Variants in KCNH1 observed in about 807,000 individuals in gnomAD.
KCNH1 encodes potassium voltage-gated channel subfamily H member 1.
Under a neutral mutation model 69.2 loss-of-function variants are expected in KCNH1, and 27 were observed. That is an observed-to-expected ratio of 0.39 (90% CI 0.29 to 0.54). The LOEUF is 0.54. Ranked by LOEUF, KCNH1 falls within the 20% of genes least tolerant of loss-of-function variation. The pLI, the probability that KCNH1 is intolerant of heterozygous loss-of-function variation, is 0.68. For synonymous variants in KCNH1, 456 were observed against 487.7 expected (o/e 0.93, Z 0.86); for missense variants, 798 against 1,261.6 (o/e 0.63, Z 5.57).
In KCNH1 at chr1:211,019,143, G is replaced by A. The variant is rs374123504; in HGVS notation, c.672C>T (p.Ile224=). 6.2e-7 allele frequency: 1 copy of A among 1,614,004 alleles called. No homozygotes were observed. ...TGGCTGTATAGAAGGTCAAGATCAA[G>A]ATGATCCAATCCCACGTGGTCTTAA... ...CVFKTTWDWI[I]LILTFYTAIL... is the part of the protein sequence containing the mutation. Residue 224 remains isoleucine (I), a synonymous_variant, in exon 6 of 11, where the codon ATC becomes ATT. Coordinates refer to ENST00000271751, the MANE Select transcript of KCNH1 (RefSeq NM_172362.3).
intron 4 of KCNH1, among the ~76,000 whole-genome samples, chr1:211,083,762 G>C (rs953130081): frequency 2.6e-5 from 4 of 152,172 alleles, no homozygotes; most frequent in Non-Finnish European, 5.9e-5. Flanking sequence ...AGCAGGACTA[G>C]ATGATTTTAT....
intron 2 of KCNH1, among the ~76,000 whole-genome samples, chr1:211,104,232 T>G (rs781008974): frequency 2.6e-5 from 4 of 152,194 alleles, no homozygotes; most frequent in Non-Finnish European, 5.9e-5. Context: ...ATCTTCATCT[T>G]GAAAGCAATG....
intron 10 of KCNH1, among the ~76,000 whole-genome samples, chr1:210,740,206 AT>A (rs1253840329): frequency 1.3e-5 from 2 of 152,198 alleles, no homozygotes; most frequent in Non-Finnish European, 2.9e-5. Context: ...CTACACATTT[AT>A]TTCCATCAAT....
chr1:210,951,099 A>G (rs1317369619), intron 6 of KCNH1, among the ~76,000 whole-genome samples: 2 of 152,236 alleles, frequency 1.3e-5, no homozygotes, highest in Non-Finnish European at 2.9e-5. Context: ...ACACAGACTC[A>G]GCCTAAATGT....
intron 7 of KCNH1, among the ~76,000 whole-genome samples, chr1:210,894,481 A>C (rs1023138060): frequency 6.6e-6 from 1 of 152,098 alleles, no homozygotes; most frequent in African/African-American, 2.4e-5. Context: ...TTCTTCATTC[A>C]CAAGGGTTGA....
chr1:210,847,465 C>G (rs1386594203), intron 7 of KCNH1, among the ~76,000 whole-genome samples: 3 of 151,576 alleles, frequency 2.0e-5, no homozygotes, highest in Non-Finnish European at 4.4e-5. Context: ...TCATTCTCAG[C>G]AAACTATCAC....
chr1:210,742,219 G>A (rs547092558), intron 10 of KCNH1, among the ~76,000 whole-genome samples: 12 of 152,204 alleles, frequency 7.9e-5, no homozygotes, highest in African/African-American at 1.4e-4. Context: ...TTATTTCTGG[G>A]AATTTGGCCT....
intron 10 of KCNH1, among the ~76,000 whole-genome samples, chr1:210,684,467 G>A (rs1299535272): frequency 6.6e-6 from 1 of 152,180 alleles, no homozygotes; most frequent in Non-Finnish European, 1.5e-5. Context: ...GACTGTCCTA[G>A]CCTCTGTGCC....
intron 6 of KCNH1, among the ~76,000 whole-genome samples, chr1:211,010,252 G>A (rs1689369509): frequency 6.6e-6 from 1 of 152,116 alleles, no homozygotes; most frequent in African/African-American, 2.4e-5. Flanking sequence ...GTGCACTAGT[G>A]GAGGTGACAG....
chr1:210,806,824 A>ATATATATATATATATATATAT lies in KCNH1; in HGVS notation c.1463-2659_1463-2658insATATATATATATATATATATA, dbSNP rs1387980426. On this transcript the variant is annotated intron_variant, in intron 7 of 10. Transcript: ENST00000271751. Reference sequence around the variant, plus strand: ...ATCTCTACCAAAAAAAAAAAAAAAAAAAAAAAAAAAAAATATATATATATA... The same window carrying ATATATATATATATATATATAT: ...ATCTCTACCAAAAAAAAAAAAAAAAATATATATATATATATATATATAAAAAAAAAAAAATATATATATATA... Among the ~76,000 whole-genome samples the ATATATATATATATATATATAT allele has an allele frequency of 7.6e-4, 34 of 44,920 alleles. 1 individual carries two copies. Among genetic ancestry groups the ATATATATATATATATATATAT allele is most frequent in the South Asian group, 5.4e-3 (4 of 744 alleles). The allele number at this position is 44,920 out of a possible 152,430, so 29.5% of individuals were successfully genotyped here.
At position 210,840,778 on chromosome 1, in the gene KCNH1, C is replaced by T. The variant is rs1685389636; in HGVS notation, c.1463-36612G>A. On this transcript the variant is annotated intron_variant, in intron 7 of 10. Transcript: ENST00000271751. ...TCATTTCAGACTCAAAAAAGCCCCTCAAGTCACCCAAGCTACCATTGCTTC... is the reference window on the plus strand; with the variant it reads ...TCATTTCAGACTCAAAAAAGCCCCTTAAGTCACCCAAGCTACCATTGCTTC... 1.3e-5 allele frequency among the ~76,000 whole-genome samples: 2 copies of T among 152,160 alleles called. 1 individual carries two copies. Among genetic ancestry groups the T allele is most frequent in the South Asian group, 4.1e-4 (2 of 4,826 alleles).
intron 7 of KCNH1, among the ~76,000 whole-genome samples, chr1:210,867,330 TACACACACAC>T (rs57696942): frequency 4.2e-5 from 6 of 144,134 alleles, no homozygotes; most frequent in South Asian, 2.3e-4. Context: ...TGTATATGTT[TACACACACAC>T]ACACACACAC....
chr1:210,811,888 C>T (rs1200402397), intron 7 of KCNH1, among the ~76,000 whole-genome samples: 3 of 152,188 alleles, frequency 2.0e-5, no homozygotes, highest in Non-Finnish European at 2.9e-5. Context: ...CAGCCACACA[C>T]TGTATCCACC....
rs1685954460 is a variant in KCNH1, at chr1:210,860,499, T to C, written c.1463-56333A>G. 4.8e-6 allele frequency: 4 copies of C among 836,436 alleles called. No individual in the cohort carries two copies. The Admixed American group carries it at 5.1e-5, about 11-fold the overall frequency. 51.8% of individuals were successfully genotyped at this position (836,436 alleles called of 1,614,324 possible). Reference sequence around the variant, plus strand: ...CATCACTACCTTCTTCATCTGGCCCTGTCTGGATTACTTGGCTAAATGTCA... The same window carrying C: ...CATCACTACCTTCTTCATCTGGCCCCGTCTGGATTACTTGGCTAAATGTCA... On this transcript the variant is annotated intron_variant, in intron 7 of 10. Transcript: ENST00000271751.
At chr1:210,871,547 A>G (rs1415323275) in intron 7 of KCNH1, among the ~76,000 whole-genome samples, 1 of 152,178 alleles carries the variant, frequency 6.6e-6, no homozygotes, top group Non-Finnish European at 1.5e-5. Context: ...CCACCCCATT[A>G]CTGGGTATAT....
At chr1:211,023,169 A>AT (rs1423210050) in intron 5 of KCNH1, among the ~76,000 whole-genome samples, 44 of 151,192 alleles carry the variant, frequency 2.9e-4, no homozygotes, top group African/African-American at 1.0e-3. Context: ...TAAATTAAAA[A>AT]TGCTGGTGAG....
At chr1:210,914,113 TTTG>T (rs1434513760) in intron 7 of KCNH1, among the ~76,000 whole-genome samples, 1 of 152,096 alleles carries the variant, frequency 6.6e-6, no homozygotes. Flanking sequence ...TTTAGAAAAT[TTTG>T]TTGATGCCAC....
chr1:210,929,417 A>G (rs1281679786), intron 6 of KCNH1, among the ~76,000 whole-genome samples: 2 of 152,190 alleles, frequency 1.3e-5, no homozygotes, highest in Non-Finnish European at 2.9e-5. Flanking sequence ...ACAGAATTAA[A>G]AACAAAAATC....
At chr1:211,113,709 T>C (rs903309679) in intron 1 of KCNH1, among the ~76,000 whole-genome samples, 7 of 152,124 alleles carry the variant, frequency 4.6e-5, no homozygotes, top group Non-Finnish European at 2.9e-5. Context: ...TCAGTTCCCA[T>C]GGAGTCTGGA....
Sources: gnomAD v4.1 joint callset for allele counts (sites outside exome capture counted in the v4.1 genomes callset) on GRCh38, gnomAD v4.1.1 for gene constraint, MANE v1.5 for transcripts, NCBI Gene and HGNC (gene_info 2026-07-23, HGNC 2026-07-21) for gene names.